Variants in MCTP1 observed in about 807,000 individuals in gnomAD.
MCTP1 encodes the protein multiple C2 and transmembrane domain containing 1, also known as multiple C2 and transmembrane domain-containing protein 1.
MCTP1 carries 69 observed loss-of-function variants against 120.6 expected under a neutral mutation model. That is an observed-to-expected ratio of 0.57 (90% confidence interval 0.47 to 0.70). MCTP1 has a LOEUF of 0.70. Ranked by LOEUF, MCTP1 falls within the 30% of genes least tolerant of loss-of-function variation. The pLI is 0.00. For missense variants in MCTP1, 1,203 were observed against 1,248.8 expected (o/e 0.96, Z 0.55); for synonymous variants, 529 against 493.1 (o/e 1.07, Z -0.96).
At chr5:95,200,972 G>A (rs564428855) in intron 1 of MCTP1, among the ~76,000 whole-genome samples, 42 of 152,296 alleles carry the variant, frequency 2.8e-4, no homozygotes, top group Non-Finnish European at 5.0e-4. Context: ...TCTATGAAAA[G>A]TTTGTCAGCA....
chr5:94,941,410 A>G (rs1249083972), intron 4 of MCTP1, among the ~76,000 whole-genome samples: 2 of 152,102 alleles, frequency 1.3e-5, no homozygotes, highest in African/African-American at 4.8e-5. Flanking sequence ...AACAATGACT[A>G]TTGGAAGACC....
chr5:95,134,230 A>G lies in MCTP1; in HGVS notation c.721-116746T>C, dbSNP rs534718616. Reference sequence around the variant, plus strand: ...CAGTGTAGTATGTTTATGATTTTTGAAACTCTATTTTTCATGATATCTTGA... The same window carrying G: ...CAGTGTAGTATGTTTATGATTTTTGGAACTCTATTTTTCATGATATCTTGA... On this transcript the variant is annotated intron_variant, in intron 1 of 22. Coordinates refer to ENST00000515393, the MANE Select transcript of MCTP1 (RefSeq NM_024717.7). 2.8e-4 allele frequency among the ~76,000 whole-genome samples: 43 copies of G among 152,266 alleles called. No individual in the cohort carries two copies. The South Asian group carries it at 8.9e-3, about 32-fold the overall frequency.
intron 1 of MCTP1, among the ~76,000 whole-genome samples, chr5:95,205,111 C>A (rs1372013853): frequency 2.0e-5 from 3 of 151,930 alleles, no homozygotes; most frequent in African/African-American, 4.8e-5. Flanking sequence ...GCTAAGTAAA[C>A]AAGATAATGT....
chr5:94,803,502 C>T (rs940140453), intron 17 of MCTP1, among the ~76,000 whole-genome samples: 6 of 152,108 alleles, frequency 3.9e-5, no homozygotes, highest in African/African-American at 9.7e-5. Flanking sequence ...TTAGTTTTGT[C>T]GTCTGAAAAG....
intron 2 of MCTP1, among the ~76,000 whole-genome samples, chr5:94,957,216 TGAGA>T (rs1273201518): frequency 2.6e-5 from 4 of 152,250 alleles, no homozygotes; most frequent in African/African-American, 9.6e-5. Context: ...AAGCAAATGC[TGAGA>T]GATTTTGTCA....
At chr5:95,119,613 A>C (rs1367587350) in intron 1 of MCTP1, among the ~76,000 whole-genome samples, 4 of 152,128 alleles carry the variant, frequency 2.6e-5, no homozygotes, top group African/African-American at 7.2e-5. Context: ...GATAAAGAAA[A>C]TGGACAAACT....
At chr5:94,853,693 G>A (rs1408805676) in intron 17 of MCTP1, among the ~76,000 whole-genome samples, 1 of 151,916 alleles carries the variant, frequency 6.6e-6, no homozygotes, top group Non-Finnish European at 1.5e-5. Context: ...CCTACCTGGT[G>A]TTATCTGAGG....
intron 2 of MCTP1, among the ~76,000 whole-genome samples, chr5:95,000,182 C>A (rs561795729): frequency 1.2e-4 from 18 of 152,246 alleles, no homozygotes; most frequent in African/African-American, 3.8e-4. Flanking sequence ...ATATTTGTGG[C>A]AAACTGATGT....
intron 1 of MCTP1, among the ~76,000 whole-genome samples, chr5:95,217,080 A>G (rs1175635841): frequency 2.0e-5 from 3 of 152,240 alleles, no homozygotes; most frequent in African/African-American, 7.2e-5. Flanking sequence ...GCAACAAGAC[A>G]GACTCACTTC....
intron 2 of MCTP1, among the ~76,000 whole-genome samples, chr5:95,000,604 T>C (rs1833482224): frequency 6.6e-6 from 1 of 152,138 alleles, no homozygotes; most frequent in African/African-American, 2.4e-5. Context: ...AAGAAAAAAG[T>C]TGATGGAATA....
At chr5:95,097,770 G>A (rs1370321723) in intron 1 of MCTP1, among the ~76,000 whole-genome samples, 1 of 152,066 alleles carries the variant, frequency 6.6e-6, no homozygotes, top group African/African-American at 2.4e-5. Context: ...GGGTAAAGGT[G>A]ATCTAATAAT....
At chr5:95,066,826 C>T (rs901249506) in intron 1 of MCTP1, among the ~76,000 whole-genome samples, 9 of 152,160 alleles carry the variant, frequency 5.9e-5, no homozygotes, top group African/African-American at 1.9e-4. Context: ...GGACCGGGGG[C>T]GGAGCGGGGA....
intron 17 of MCTP1, among the ~76,000 whole-genome samples, chr5:94,866,976 T>C (rs766968077): frequency 2.6e-5 from 4 of 151,842 alleles, no homozygotes; most frequent in Non-Finnish European, 5.9e-5. Flanking sequence ...AAGGAGTGAA[T>C]CAAAAATGGC....
intron 11 of MCTP1, among the ~76,000 whole-genome samples, chr5:94,893,082 C>G (rs1054903666): frequency 6.6e-6 from 1 of 152,008 alleles, no homozygotes; most frequent in Non-Finnish European, 1.5e-5. Flanking sequence ...AGAATACAAT[C>G]TGAGAATTAA....
At chr5:95,041,724 C>T (rs1842393628) in intron 1 of MCTP1, among the ~76,000 whole-genome samples, 1 of 152,090 alleles carries the variant, frequency 6.6e-6, no homozygotes, top group African/African-American at 2.4e-5. Flanking sequence ...TACATACTGC[C>T]TTTATATCAG....
intron 1 of MCTP1, among the ~76,000 whole-genome samples, chr5:95,083,975 A>C (rs1319602180): frequency 6.6e-6 from 1 of 152,196 alleles, no homozygotes; most frequent in African/African-American, 2.4e-5. Flanking sequence ...AAAGATGTTA[A>C]GCAGAAATAA....
intron 21 of MCTP1, 104 bp from the exon 22 acceptor site, chr5:94,708,713 GTTT>G: frequency 3.1e-6 from 2 of 639,428 alleles, no homozygotes; most frequent in East Asian, 5.6e-5. Context: ...AATACACCCA[GTTT>G]TTTCCCCCTC....
At chr5:94,908,522 T>A (rs916650594) in intron 10 of MCTP1, among the ~76,000 whole-genome samples, 3 of 151,866 alleles carry the variant, frequency 2.0e-5, no homozygotes, top group African/African-American at 7.2e-5. Context: ...AGGAAAGAAT[T>A]TTTTTTTAAT....
At chr5:94,967,035 C>T (rs1256123148) in intron 2 of MCTP1, among the ~76,000 whole-genome samples, 1 of 152,168 alleles carries the variant, frequency 6.6e-6, no homozygotes, top group East Asian at 1.9e-4. Context: ...TGGTAGTACA[C>T]AATGTCAACT....
Sources: allele counts gnomAD v4.1 joint callset (sites outside exome capture counted in the v4.1 genomes callset), GRCh38; gene constraint gnomAD v4.1.1; transcripts MANE v1.5; gene names NCBI Gene and HGNC (gene_info 2026-07-23, HGNC 2026-07-21).